Variants in CXXC4 observed in about 807,000 individuals in gnomAD.
CXXC4 encodes the protein CXXC finger protein 4.
A neutral mutation model predicts 20.5 loss-of-function variants in CXXC4; 5 were observed. The ratio of observed to expected loss-of-function variants is 0.24; its 90% CI spans 0.13 to 0.51. CXXC4 has a LOEUF of 0.51. Among genes scored for constraint, CXXC4 ranks in the 20% least tolerant of loss-of-function variants. The pLI, the probability that CXXC4 is intolerant of heterozygous loss-of-function variation, is 0.97. For missense variants in CXXC4, 419 were observed against 496.4 expected, an observed-to-expected ratio of 0.84 and a Z score of 1.48; for synonymous variants, 250 against 216.4, an observed-to-expected ratio of 1.16 and a Z score of -1.36.
chr4:104,483,579 T>G (rs536838252), intron 2 of CXXC4, among the ~76,000 whole-genome samples: 1 of 152,056 alleles, frequency 6.6e-6, no homozygotes, highest in South Asian at 2.1e-4. Context: ...TTATTTCCTA[T>G]GTACACTCAT....
Position 104,472,259 on chromosome 4 carries a change from T to C in CXXC4, c.*63A>G. 8.9e-7 allele frequency: 1 copy of C among 1,117,834 alleles called. No homozygotes were observed. The highest frequency in any genetic ancestry group is 1.3e-6 in the Non-Finnish European group (1 of 764,220). The allele number at this position is 1,117,834 out of a possible 1,614,324, so 69.2% of individuals were successfully genotyped here. ...TTCAGTGGTGGACTAAGCAGTTTCT[T>C]AAAACAAGACATTAGTTTGCCCTTC... On this transcript the variant is annotated 3_prime_UTR_variant, in exon 3 of 3. Coordinates refer to ENST00000394767, the MANE Select transcript of CXXC4 (RefSeq NM_025212.4).
intron 2 of CXXC4, among the ~76,000 whole-genome samples, chr4:104,476,534 C>G (rs2110271323): frequency 6.6e-6 from 1 of 152,168 alleles, no homozygotes; most frequent in East Asian, 1.9e-4. Flanking sequence ...GCACTTAAAA[C>G]TTTTAATAAT....
intron 1 of CXXC4, among the ~76,000 whole-genome samples, chr4:104,492,943 C>T (rs1736937669): frequency 6.6e-6 from 1 of 151,428 alleles, no homozygotes; most frequent in Non-Finnish European, 1.5e-5. Context: ...AAGAATATTC[C>T]TAATCATTCC....
chr4:104,491,302 C>CCTG lies in CXXC4; in HGVS notation c.498_500dup (p.Ser166dup), dbSNP rs749891634. 1.6e-5 allele frequency: 26 copies of CCTG among 1,585,358 alleles called. No individual in the cohort carries two copies. The highest frequency in any genetic ancestry group is 1.8e-4 in the Middle Eastern group (1 of 5,510). On this transcript the variant is annotated inframe_insertion, in exon 2 of 3. Transcript: ENST00000394767. Reference sequence around the variant, plus strand: ...AGTCGTTTCGGTGGTGCATGCTGGTCCTGCTGCCGCCGCCGCCGCCGCCGC... The same window carrying CCTG: ...AGTCGTTTCGGTGGTGCATGCTGGTCCTGCTGCTGCCGCCGCCGCCGCCGCCGC...
At chr4:104,493,313 G>C (rs1560546049) in intron 1 of CXXC4, among the ~76,000 whole-genome samples, 1 of 151,964 alleles carries the variant, frequency 6.6e-6, no homozygotes, top group Non-Finnish European at 1.5e-5. Context: ...AGATTTTTTG[G>C]CCAGAATATC....
chr4:104,484,490 G>A lies in CXXC4; in HGVS notation c.1059+6254C>T, dbSNP rs534688301. ...CAAAGAAATACATCTTGAATATGAC[G>A]TCTTTGAAAAAGTAATTGCTTGCTT... On this transcript the variant is annotated intron_variant, in intron 2 of 2. Coordinates refer to ENST00000394767, the MANE Select transcript of CXXC4 (RefSeq NM_025212.4). Among the ~76,000 whole-genome samples, 10 of 151,984 alleles carry A rather than the reference G, an allele frequency of 6.6e-5. No homozygotes were observed. In the South Asian group the frequency reaches 1.9e-3, roughly 28 times the overall value.
rs200257092 is a variant in CXXC4, at chr4:104,480,109, G to A, written c.1060-7743C>T. 5.9e-5 allele frequency among the ~76,000 whole-genome samples: 9 copies of A among 151,968 alleles called. No homozygotes were observed. The East Asian group carries it at 1.7e-3, about 30-fold the overall frequency. ...CATGGTAGGCATTTGTTCTTGTCTA[G>A]AACAAATTCTCAAGTATTTAGATTC... On this transcript the variant is annotated intron_variant, in intron 2 of 2. Transcript: ENST00000394767.
intron 2 of CXXC4, among the ~76,000 whole-genome samples, chr4:104,483,835 G>A (rs1736614313): frequency 6.6e-6 from 1 of 151,940 alleles, no homozygotes; most frequent in Non-Finnish European, 1.5e-5. Context: ...GTGGTGATAT[G>A]TCTGTGGTAA....
intron 2 of CXXC4, among the ~76,000 whole-genome samples, chr4:104,486,605 G>T (rs971918366): frequency 6.6e-6 from 1 of 151,672 alleles, no homozygotes; most frequent in Admixed American, 6.6e-5. Context: ...CTGTTGGTAA[G>T]TTTCTTATTC....
chr4:104,486,492 T>C (rs1168696746), intron 2 of CXXC4, among the ~76,000 whole-genome samples: 1 of 152,084 alleles, frequency 6.6e-6, no homozygotes, highest in East Asian at 1.9e-4. Context: ...CATTCTAATG[T>C]TAATATACTA....
intron 2 of CXXC4, among the ~76,000 whole-genome samples, chr4:104,479,188 G>A (rs905613834): frequency 1.3e-5 from 2 of 151,978 alleles, no homozygotes; most frequent in Admixed American, 6.6e-5. Context: ...CAGTGAAACC[G>A]TATTAACTTT....
chr4:104,487,784 G>T (rs1417392291), intron 2 of CXXC4, among the ~76,000 whole-genome samples: 1 of 152,090 alleles, frequency 6.6e-6, no homozygotes, highest in African/African-American at 2.4e-5. Flanking sequence ...TGTTTTGTGT[G>T]CATTATCATA....
At chr4:104,486,850 C>T (rs763444728) in intron 2 of CXXC4, among the ~76,000 whole-genome samples, 1 of 152,144 alleles carries the variant, frequency 6.6e-6, no homozygotes, top group Non-Finnish European at 1.5e-5. Flanking sequence ...GAGGCAGGTG[C>T]CACCTTCCTG....
chr4:104,490,702 G>A (rs984491246), intron 2 of CXXC4, 42 bp downstream of exon 2: 1 of 1,521,726 alleles, frequency 6.6e-7, no homozygotes, highest in African/African-American at 1.4e-5. Context: ...GAGTGAGGAG[G>A]GAAGGGGGGA....
chr4:104,488,631 T>C (rs1736756698), intron 2 of CXXC4, among the ~76,000 whole-genome samples: 1 of 152,058 alleles, frequency 6.6e-6, no homozygotes, highest in Non-Finnish European at 1.5e-5. Context: ...TTGTGAAGAG[T>C]AACAGAATTT....
chr4:104,473,658 G>A (rs1161194524), intron 2 of CXXC4, among the ~76,000 whole-genome samples: 2 of 151,898 alleles, frequency 1.3e-5, no homozygotes, highest in African/African-American at 2.4e-5. Context: ...TGTATAAATC[G>A]TAAGATGGCT....
In CXXC4 at chr4:104,491,539, G is replaced by A. The variant is rs1326991074; in HGVS notation, c.264C>T (p.Pro88=). 6.8e-7 allele frequency: 1 copy of A among 1,460,698 alleles called. No individual in the cohort carries two copies. The highest frequency in any genetic ancestry group is 2.9e-5 in the East Asian group (1 of 34,852). The allele number at this position is 1,460,698 out of a possible 1,614,324, so 90.5% of individuals were successfully genotyped here. ...AAAAARIGMS[P]WNCDNAATAA... ...CGGTGGCCGCGTTGTCGCAGTTCCA[G>A]GGGGACATGCCGATGCGCGCGGCGG... The change falls in exon 2 of 3, where the codon CCC becomes CCT. Residue 88 remains proline (P), a synonymous_variant. Coordinates refer to ENST00000394767, the MANE Select transcript of CXXC4 (RefSeq NM_025212.4).
At chr4:104,477,526 C>A (rs1242618096) in intron 2 of CXXC4, among the ~76,000 whole-genome samples, 1 of 151,876 alleles carries the variant, frequency 6.6e-6, no homozygotes, top group Non-Finnish European at 1.5e-5. Context: ...AACACCTCCC[C>A]CACAAGTTTT....
Position 104,494,807 on chromosome 4 carries a change from G to A in CXXC4, c.-364C>T, listed in dbSNP as rs1402847041. 3.3e-5 allele frequency: 5 copies of A among 150,884 alleles called. No individual in the cohort carries two copies. Among genetic ancestry groups the A allele is most frequent in the African/African-American group, 1.2e-4 (5 of 40,898 alleles). 9.3% of individuals were successfully genotyped at this position (150,884 alleles called of 1,614,324 possible). A position where few individuals can be genotyped will look rare whatever the true frequency, so the allele number is the denominator to read the frequency against. On this transcript the variant is annotated 5_prime_UTR_variant, in exon 1 of 3. Transcript: ENST00000394767. ...GGGGGGAGAGGAAAGAGTCGAGTGTGAGTGTATGTGTGAGAGCGCGGGTCT... is the reference window on the plus strand; with the variant it reads ...GGGGGGAGAGGAAAGAGTCGAGTGTAAGTGTATGTGTGAGAGCGCGGGTCT...
Sources: gnomAD v4.1 joint callset for allele counts (sites outside exome capture counted in the v4.1 genomes callset) on GRCh38, gnomAD v4.1.1 for gene constraint, MANE v1.5 for transcripts, NCBI Gene and HGNC (gene_info 2026-07-23, HGNC 2026-07-21) for gene names.